PXDNL: variants seen among roughly 807,000 people sequenced by gnomAD.
PXDNL encodes the protein probable oxidoreductase PXDNL.
A neutral mutation model predicts 150.8 loss-of-function variants in PXDNL; 145 were observed. That is an observed-to-expected ratio of 0.96 (90% CI 0.84 to 1.10). The LOEUF (loss-of-function observed/expected upper bound fraction) is 1.10, where lower values mean the gene tolerates loss of function less well. PXDNL is among the 50% of genes least tolerant of loss of function. The pLI is 0.00. For synonymous variants in PXDNL, 757 were observed against 725.7 expected (o/e 1.04, Z -0.69); for missense variants, 2,087 against 1,873.9 (o/e 1.11, Z -2.10).
intron 4 of PXDNL, among the ~76,000 whole-genome samples, chr8:51,522,620 G>C (rs1169026359): frequency 6.6e-6 from 1 of 152,114 alleles, no homozygotes; most frequent in East Asian, 1.9e-4. Context: ...GAAGTGGGTG[G>C]ATCACCTGAG....
chr8:51,532,989 A>C (rs1303061534), intron 4 of PXDNL, among the ~76,000 whole-genome samples: 1 of 142,170 alleles, frequency 7.0e-6, no homozygotes, highest in Non-Finnish European at 1.5e-5. Flanking sequence ...GTAGGAAAAA[A>C]AGGAAAAGAA....
chr8:51,446,268 C>T (rs997877483), intron 12 of PXDNL, among the ~76,000 whole-genome samples: 2 of 152,116 alleles, frequency 1.3e-5, no homozygotes, highest in African/African-American at 2.4e-5. Context: ...AGATCTAATA[C>T]GTCAGAACAA....
chr8:51,744,065 G>T (rs59639172), intron 1 of PXDNL, among the ~76,000 whole-genome samples: 1 of 48,926 alleles, frequency 2.0e-5, no homozygotes, highest in Non-Finnish European at 3.8e-5. Flanking sequence ...AAGGAAGGAA[G>T]GAAGGAAGGA....
At chr8:51,784,428 T>C (rs979123472) in intron 1 of PXDNL, among the ~76,000 whole-genome samples, 2 of 152,224 alleles carry the variant, frequency 1.3e-5, no homozygotes, top group African/African-American at 4.8e-5. Flanking sequence ...TCATGAACTT[T>C]ATATGTTTCT....
chr8:51,649,330 C>T (rs780351894), intron 2 of PXDNL, among the ~76,000 whole-genome samples: 12 of 152,104 alleles, frequency 7.9e-5, no homozygotes, highest in African/African-American at 2.9e-4. Flanking sequence ...AAATAACACA[C>T]GTGTTATGAG....
At chr8:51,655,221 C>T (rs4326376) in intron 1 of PXDNL, among the ~76,000 whole-genome samples, 7,206 of 152,246 alleles carry the variant, frequency 0.047, 214 homozygotes, top group African/African-American at 0.089. Flanking sequence ...TACAGGAATA[C>T]AATGGCCTTC....
Position 51,345,929 on chromosome 8 carries a change from T to C in PXDNL, c.3920A>G (p.Gln1307Arg), listed in dbSNP as rs1563367119. 6.2e-7 allele frequency: 1 copy of C among 1,611,492 alleles called. No individual in the cohort carries two copies. Among genetic ancestry groups the C allele is most frequent in the Middle Eastern group, 1.7e-4 (1 of 6,058 alleles). The part of the protein sequence containing the change: ...DCCADCRSRG[Q>R]FRAVTQESQK... ...AGACTCTTGCGTCACTGCTCTGAAC[T>C]GTCCTCTACTCCTACAGTCTGTGGG... Residue 1307 changes from glutamine to arginine, a missense_variant, in exon 20 of 23, where the codon CAG (glutamine) becomes CGG (arginine). Physicochemically the swap from Gln to Arg is conservative, Grantham distance 43. Transcript: ENST00000356297.
At chr8:51,719,361 A>C (rs572565513) in intron 1 of PXDNL, among the ~76,000 whole-genome samples, 2 of 152,274 alleles carry the variant, frequency 1.3e-5, no homozygotes, top group African/African-American at 4.8e-5. Flanking sequence ...GTGCTCTCTA[A>C]AACATGTGCT....
In PXDNL at chr8:51,350,644, C is replaced by A. The variant is rs551901558; in HGVS notation, c.3902-4697G>T. On this transcript the variant is annotated intron_variant, in intron 19 of 22. Coordinates refer to ENST00000356297, the MANE Select transcript of PXDNL (RefSeq NM_144651.5). ...TGCTGGGATTACAGGTGTGAGCCAT[C>A]GCGCCCAGCCGCAAATGCAGCTTCT... Among the ~76,000 whole-genome samples, 15 of 152,148 alleles carry A rather than the reference C, an allele frequency of 9.9e-5. No individual in the cohort carries two copies. The South Asian group carries it at 3.1e-3, about 32-fold the overall frequency.
chr8:51,528,319 G>A (rs1811809736), intron 4 of PXDNL, among the ~76,000 whole-genome samples: 1 of 152,128 alleles, frequency 6.6e-6, no homozygotes, highest in Admixed American at 6.5e-5. Flanking sequence ...GTTCACCATA[G>A]TGCTATTTGC....
chr8:51,569,603 T>A (rs1280391457), intron 3 of PXDNL, among the ~76,000 whole-genome samples: 1 of 152,000 alleles, frequency 6.6e-6, no homozygotes, highest in Non-Finnish European at 1.5e-5. Context: ...GAAAATTCTA[T>A]CTAAAAGTAA....
intron 1 of PXDNL, among the ~76,000 whole-genome samples, chr8:51,752,486 T>A (rs572650206): frequency 2.0e-5 from 3 of 152,252 alleles, no homozygotes; most frequent in African/African-American, 7.2e-5. Flanking sequence ...ATTTAACCAC[T>A]CAGTCAGTGC....
intron 1 of PXDNL, among the ~76,000 whole-genome samples, chr8:51,720,214 C>T (rs1460797471): frequency 1.3e-5 from 2 of 149,542 alleles, no homozygotes; most frequent in African/African-American, 2.5e-5. Flanking sequence ...ATCAGACTTC[C>T]TAAGTTTGGG....
chr8:51,731,068 C>T (rs1816915217), intron 1 of PXDNL, among the ~76,000 whole-genome samples: 1 of 152,188 alleles, frequency 6.6e-6, no homozygotes, highest in Non-Finnish European at 1.5e-5. Context: ...ACCAATCATG[C>T]CTTCCCAACA....
intron 20 of PXDNL, 97 bp from the exon 21 acceptor site, chr8:51,339,850 A>G: frequency 8.3e-7 from 1 of 1,207,636 alleles, no homozygotes; most frequent in Non-Finnish European, 1.2e-6. Context: ...TGGCATGTAC[A>G]AGGCATTGTG....
chr8:51,426,551 T>C (rs1809105387), intron 13 of PXDNL, 95 bp downstream of exon 13: 2 of 676,638 alleles, frequency 3.0e-6, no homozygotes, highest in Non-Finnish European at 2.5e-6. Context: ...GTCGCAACAG[T>C]AAAAAATCAA....
At chr8:51,578,045 G>T (rs867734758) in intron 3 of PXDNL, among the ~76,000 whole-genome samples, 16 of 100,470 alleles carry the variant, frequency 1.6e-4, no homozygotes, top group African/African-American at 8.2e-4. Context: ...AAGGAAGGAA[G>T]GAAGGAAAGA....
At chr8:51,670,218 A>G (rs1815471562) in intron 1 of PXDNL, among the ~76,000 whole-genome samples, 1 of 144,740 alleles carries the variant, frequency 6.9e-6, no homozygotes, top group Admixed American at 7.3e-5. Flanking sequence ...CCTGAGCAAC[A>G]AGAGTGAAAT....
rs1805580853 is a variant in PXDNL at position 51,328,282 on chromosome 8, C to T, written c.4147-7385G>A. Among the ~76,000 whole-genome samples the T allele has an allele frequency of 2.0e-5, 3 of 152,354 alleles. No homozygotes were observed. The South Asian group carries it at 6.2e-4, about 32-fold the overall frequency. ...TACACATATCAGATGGACAGACAGA[C>T]ATTTCCTATTAATTCTAGTTCTCTG... On this transcript the variant is annotated intron_variant, in intron 21 of 22. Transcript: ENST00000356297.
Sources: allele counts gnomAD v4.1 joint callset (sites outside exome capture counted in the v4.1 genomes callset), GRCh38; gene constraint gnomAD v4.1.1; transcripts MANE v1.5; gene names NCBI Gene and HGNC (gene_info 2026-07-23, HGNC 2026-07-21).